The following NHSL1 variants were observed in gnomAD, a reference collection of about 807,000 sequenced individuals.
The protein encoded by NHSL1 is NHS like 1, also known as NHS-like protein 1.
In NHSL1, 48 loss-of-function variants were observed where a neutral mutation model predicts 95.0. The observed-to-expected ratio is 0.51, with a 90% CI of 0.40 to 0.64. The LOEUF is 0.64. Among genes scored for constraint, NHSL1 ranks in the 30% least tolerant of loss-of-function variants. NHSL1 has a pLI of 0.00. For synonymous variants in NHSL1, 783 were observed against 833.9 expected, an observed-to-expected ratio of 0.94 and a Z score of 1.05; for missense variants, 1,971 against 2,077.7, an observed-to-expected ratio of 0.95 and a Z score of 1.00.
intron 3 of NHSL1, among the ~76,000 whole-genome samples, chr6:138,471,689 A>G (rs553500965): frequency 1.3e-5 from 2 of 152,334 alleles, no homozygotes; most frequent in Non-Finnish European, 2.9e-5. Context: ...GCACAGCAGG[A>G]TGACTACAAT....
intron 1 of NHSL1, among the ~76,000 whole-genome samples, chr6:138,543,455 AAC>A (rs1357632281): frequency 1.3e-5 from 2 of 152,236 alleles, no homozygotes; most frequent in Non-Finnish European, 2.9e-5. Context: ...TCAGAAAAGA[AAC>A]AGTCTAAGTA....
At chr6:138,528,866 T>C (rs943401535) in intron 1 of NHSL1, among the ~76,000 whole-genome samples, 1 of 152,202 alleles carries the variant, frequency 6.6e-6, no homozygotes, top group African/African-American at 2.4e-5. Flanking sequence ...AAGATTAGTA[T>C]GTTTCCAGTG....
chr6:138,645,989 C>G (rs1785016020), intron 1 of NHSL1, among the ~76,000 whole-genome samples: 1 of 152,086 alleles, frequency 6.6e-6, no homozygotes, highest in South Asian at 2.1e-4. Flanking sequence ...AACCTAGAGC[C>G]AACATTTCTT....
At chr6:138,613,703 C>G (rs1784543865) in intron 1 of NHSL1, among the ~76,000 whole-genome samples, 1 of 152,190 alleles carries the variant, frequency 6.6e-6, no homozygotes, top group Non-Finnish European at 1.5e-5. Flanking sequence ...TCCCCCAAAG[C>G]ACCCTGGAAT....
chr6:138,475,236 T>C (rs1404220629), intron 2 of NHSL1, among the ~76,000 whole-genome samples: 1 of 152,080 alleles, frequency 6.6e-6, no homozygotes, highest in Admixed American at 6.5e-5. Context: ...CTTTTTTTTT[T>C]TGAGACAGGG....
intron 1 of NHSL1, among the ~76,000 whole-genome samples, chr6:138,687,880 G>A (rs1226469067): frequency 1.3e-5 from 2 of 152,126 alleles, no homozygotes; most frequent in Admixed American, 6.5e-5. Flanking sequence ...TTCTTTTGGG[G>A]TGATAAAAAT....
chr6:138,665,457 G>T (rs1785282140), intron 1 of NHSL1, among the ~76,000 whole-genome samples: 1 of 152,124 alleles, frequency 6.6e-6, no homozygotes, highest in Non-Finnish European at 1.5e-5. Context: ...CTTCATAGAG[G>T]CCACCTACTC....
intron 1 of NHSL1, among the ~76,000 whole-genome samples, chr6:138,641,336 A>G (rs978181574): frequency 6.6e-6 from 1 of 152,204 alleles, no homozygotes; most frequent in Non-Finnish European, 1.5e-5. Context: ...GAACGTGAAT[A>G]CACCCTTATA....
chr6:138,617,650 G>A (rs1292293884), intron 1 of NHSL1, among the ~76,000 whole-genome samples: 2 of 152,232 alleles, frequency 1.3e-5, no homozygotes, highest in Non-Finnish European at 2.9e-5. Context: ...CAATGCGCAC[G>A]CAGACACACA....
At chr6:138,625,587 A>G (rs1255913128) in intron 1 of NHSL1, among the ~76,000 whole-genome samples, 1 of 151,810 alleles carries the variant, frequency 6.6e-6, no homozygotes, top group East Asian at 1.9e-4. Context: ...AGAATAGTAT[A>G]GTGCCATGAG....
At chr6:138,650,859 T>TGGAC in intron 1 of NHSL1, 1 of 541,656 alleles carries the variant, frequency 1.8e-6, no homozygotes, top group African/African-American at 1.9e-5. Context: ...AAGAGGGCGT[T>TGGAC]GGACATCAGC....
At chr6:138,502,410 C>A (rs9484166), upstream of NHSL1, among the ~76,000 whole-genome samples, 32 of 151,778 alleles carry the variant, frequency 2.1e-4, no homozygotes, top group South Asian at 8.3e-4. Flanking sequence ...TCAATTTATA[C>A]GTGCAACAGA....
At chr6:138,642,832 G>A (rs989567028) in intron 1 of NHSL1, among the ~76,000 whole-genome samples, 5 of 151,994 alleles carry the variant, frequency 3.3e-5, no homozygotes, top group Middle Eastern at 3.2e-3. Context: ...GCGGTGGGTC[G>A]CTGGGGGGAG....
At chr6:138,608,886 G>T (rs141848311) in intron 1 of NHSL1, among the ~76,000 whole-genome samples, 2 of 152,142 alleles carry the variant, frequency 1.3e-5, no homozygotes, top group African/African-American at 4.8e-5. Flanking sequence ...ACATTTACAC[G>T]ACAGGAACAT....
intron 1 of NHSL1, among the ~76,000 whole-genome samples, chr6:138,611,336 G>A (rs1182428581): frequency 1.3e-5 from 2 of 151,518 alleles, no homozygotes; most frequent in Non-Finnish European, 2.9e-5. Context: ...TGCTTCAGTG[G>A]TATAGGAATG....
chr6:138,667,515 T>A (rs1206900494), intron 1 of NHSL1, among the ~76,000 whole-genome samples: 1 of 152,196 alleles, frequency 6.6e-6, no homozygotes. Flanking sequence ...TTACATAATT[T>A]CTCTAGAAAA....
At chr6:138,481,217 A>G (rs1779398139) in intron 2 of NHSL1, among the ~76,000 whole-genome samples, 1 of 152,192 alleles carries the variant, frequency 6.6e-6, no homozygotes, top group Non-Finnish European at 1.5e-5. Context: ...CTGCACCTAA[A>G]TATCATGTAT....
At chr6:138,611,032 C>T (rs1478116202) in intron 1 of NHSL1, among the ~76,000 whole-genome samples, 1 of 151,456 alleles carries the variant, frequency 6.6e-6, no homozygotes, top group Admixed American at 6.6e-5. Flanking sequence ...AAGCTGAGAT[C>T]GCACCACTGC....
At chr6:138,458,651 C>G (rs1777785410) in intron 3 of NHSL1, among the ~76,000 whole-genome samples, 1 of 152,058 alleles carries the variant, frequency 6.6e-6, no homozygotes, top group African/African-American at 2.4e-5. Flanking sequence ...CATGGTGAAA[C>G]CCAGTCTCTA....
Sources: allele counts gnomAD v4.1 joint callset (sites outside exome capture counted in the v4.1 genomes callset), GRCh38; gene constraint gnomAD v4.1.1; transcripts MANE v1.5; gene names NCBI Gene and HGNC (gene_info 2026-07-23, HGNC 2026-07-21).